Variants in MYRFL observed in about 807,000 individuals in gnomAD.
MYRFL encodes the protein myelin regulatory factor like.
In MYRFL, 88 loss-of-function variants were observed where a neutral mutation model predicts 109.4. The observed-to-expected ratio is 0.80, with a 90% CI of 0.68 to 0.96. The LOEUF (loss-of-function observed/expected upper bound fraction) is 0.96. Among genes scored for constraint, MYRFL ranks in the 40% least tolerant of loss-of-function variants. The pLI, the probability that MYRFL is intolerant of heterozygous loss-of-function variation, is 0.00. For synonymous variants in MYRFL, 324 were observed against 320.9 expected, an observed-to-expected ratio of 1.01 and a Z score of -0.10; for missense variants, 957 against 954.9, an observed-to-expected ratio of 1.00 and a Z score of -0.03.
chr12:69,918,230 C>T (rs989630376), intron 13 of MYRFL, among the ~76,000 whole-genome samples: 3 of 152,236 alleles, frequency 2.0e-5, no homozygotes, highest in South Asian at 4.2e-4. Flanking sequence ...CATGTGCCCT[C>T]GCATCACTGC....
intron 1 of MYRFL, among the ~76,000 whole-genome samples, chr12:69,831,423 A>G (rs138436303): frequency 1.4e-3 from 220 of 152,290 alleles, no homozygotes; most frequent in African/African-American, 4.5e-3. Flanking sequence ...AATAATCATA[A>G]TAACTGTTGT....
intron 19 of MYRFL, among the ~76,000 whole-genome samples, chr12:69,949,303 G>A (rs547549207): frequency 2.0e-5 from 3 of 150,668 alleles, no homozygotes; most frequent in Non-Finnish European, 2.9e-5. Flanking sequence ...TGTACTTAGC[G>A]ACCCACTAAA....
chr12:69,882,275 A>G (rs1307008929), intron 5 of MYRFL, among the ~76,000 whole-genome samples: 3 of 152,160 alleles, frequency 2.0e-5, no homozygotes, highest in Non-Finnish European at 2.9e-5. Context: ...TCCAGAATGA[A>G]AATGAGCAGG....
chr12:69,935,787 A>AACTT (rs1955433010), intron 16 of MYRFL, among the ~76,000 whole-genome samples: 1 of 152,228 alleles, frequency 6.6e-6, no homozygotes, highest in Admixed American at 6.5e-5. Context: ...TGCCTCCAGC[A>AACTT]ACTTACATGC....
rs977765745 is a variant in MYRFL, at chr12:69,836,216, C to T, written c.46+10653C>T. Among the ~76,000 whole-genome samples the T allele has an allele frequency of 3.3e-5, 5 of 152,312 alleles. No homozygotes were observed. The East Asian group carries it at 7.7e-4, about 24-fold the overall frequency. On this transcript the variant is annotated intron_variant, in intron 1 of 24. Coordinates refer to ENST00000552032, the MANE Select transcript of MYRFL (RefSeq NM_182530.3). ...GCCGGTGTGGGTCCATTCCTCTTGA[C>T]GTCCAGCCGCCTGTGTGTTCCTTCA...
chr12:69,910,378 T>C (rs1348137540), intron 12 of MYRFL, among the ~76,000 whole-genome samples: 1 of 151,980 alleles, frequency 6.6e-6, no homozygotes, highest in Non-Finnish European at 1.5e-5. Flanking sequence ...GCTCAACCTA[T>C]GTGAGGAACG....
rs941333363 is a variant in MYRFL, at chr12:69,938,900, G to A, written c.2224+2268G>A. Among the ~76,000 whole-genome samples, 3 of 152,286 alleles carry A rather than the reference G, an allele frequency of 2.0e-5. No individual in the cohort carries two copies. The East Asian group carries it at 5.8e-4, about 30-fold the overall frequency. On this transcript the variant is annotated intron_variant, in intron 19 of 24. Transcript: ENST00000552032. ...ACCCGGGAAGCGCAGGGTTCAGGGAGTTCCCTTTCCTAATCAAAGAAAGGG... is the reference window on the plus strand; with the variant it reads ...ACCCGGGAAGCGCAGGGTTCAGGGAATTCCCTTTCCTAATCAAAGAAAGGG...
chr12:69,918,563 C>G (rs1954817456), intron 13 of MYRFL, among the ~76,000 whole-genome samples: 1 of 152,168 alleles, frequency 6.6e-6, no homozygotes, highest in Non-Finnish European at 1.5e-5. Flanking sequence ...TATTGTTGCT[C>G]AGTTCTCATT....
At chr12:69,955,783 G>A (rs1956079607) in intron 22 of MYRFL, among the ~76,000 whole-genome samples, 1 of 151,696 alleles carries the variant, frequency 6.6e-6, no homozygotes, top group Non-Finnish European at 1.5e-5. Context: ...CCCCCCGATG[G>A]GAAGATGCAC....
chr12:69,913,698 AC>A (rs1954647896), intron 13 of MYRFL, among the ~76,000 whole-genome samples: 1 of 151,950 alleles, frequency 6.6e-6, no homozygotes, highest in Non-Finnish European at 1.5e-5. Context: ...GATTACTCTA[AC>A]TCTGTAGTAA....
intron 16 of MYRFL, among the ~76,000 whole-genome samples, chr12:69,935,318 C>T (rs1275892084): frequency 4.6e-5 from 7 of 151,910 alleles, no homozygotes; most frequent in Admixed American, 6.5e-5. Flanking sequence ...GTAACTCTTT[C>T]AAGCCTAGCA....
chr12:69,903,752 C>G lies in MYRFL; in HGVS notation c.1291C>G (p.Pro431Ala). Residue 431 changes from proline (P) to alanine (A), a missense_variant, in exon 11 of 25, where the codon CCG becomes GCG. Pro to Ala is a conservative substitution (Grantham distance 27). Coordinates refer to ENST00000552032, the MANE Select transcript of MYRFL (RefSeq NM_182530.3). ...HGRVGINTDAPDEALVVCGNM... is the reference protein window; with the variant it reads ...HGRVGINTDAADEALVVCGNM... ...TCGAGTAGGAATCAACACAGATGCGCCGGACGAAGCCCTGGTTGTCTGTGG... is the reference window on the plus strand; with the variant it reads ...TCGAGTAGGAATCAACACAGATGCGGCGGACGAAGCCCTGGTTGTCTGTGG... 1 of 1,535,756 alleles carries G rather than the reference C, an allele frequency of 6.5e-7. No homozygotes were observed. Among genetic ancestry groups the G allele is most frequent in the Non-Finnish European group, 8.7e-7 (1 of 1,146,654 alleles).
rs980355257 is a variant in MYRFL at position 69,825,526 on chromosome 12, G to A, written c.9G>A (p.Val3=). 2.3e-5 allele frequency: 16 copies of A among 701,818 alleles called. No individual in the cohort carries two copies. The highest frequency in any genetic ancestry group is 1.2e-4 in the African/African-American group (7 of 57,184). The allele number at this position is 701,818 out of a possible 1,614,324, so 43.5% of individuals were successfully genotyped here. A position where few individuals can be genotyped will look rare whatever the true frequency, so the allele number is the denominator to read the frequency against. The stretch of plus-strand genomic sequence containing the variant: ...ACTAGGATCACAGTACCATGGATGT[G>A]GTAGGCGAAAATGAGGCCCTGCAGC... MD[V]VGENEALQQF... is the part of the protein sequence containing the mutation. The change falls in exon 1 of 25, where the codon GTG becomes GTA. Residue 3 remains valine, a synonymous_variant. Coordinates refer to ENST00000552032, the MANE Select transcript of MYRFL (RefSeq NM_182530.3).
In MYRFL at chr12:69,863,519, T is replaced by G. The variant is rs535823020; in HGVS notation, c.137+8149T>G. 3.3e-5 allele frequency among the ~76,000 whole-genome samples: 5 copies of G among 152,334 alleles called. No homozygotes were observed. In the South Asian group the frequency reaches 1.0e-3, roughly 32 times the overall value. ...TAACCTCTTGCAGTCAATTTAAAGA[T>G]ATTTTACCACTTCACATGAAAAGTA... is the stretch of plus-strand genomic sequence containing the variant. On this transcript the variant is annotated intron_variant, in intron 2 of 24. Transcript: ENST00000552032.
chr12:69,915,214 G>T (rs1337746614), intron 13 of MYRFL, among the ~76,000 whole-genome samples: 2 of 152,076 alleles, frequency 1.3e-5, no homozygotes, highest in African/African-American at 4.8e-5. Context: ...ATTCATGTGG[G>T]CAGTGTGGCT....
intron 1 of MYRFL, among the ~76,000 whole-genome samples, chr12:69,833,711 C>T (rs895352302): frequency 6.6e-6 from 1 of 152,084 alleles, no homozygotes; most frequent in Non-Finnish European, 1.5e-5. Context: ...GTCTGTCTGG[C>T]TCTGAAGGCT....
chr12:69,936,657 A>G (rs1444556733), intron 19 of MYRFL, 25 bp downstream of exon 19: 2 of 1,471,698 alleles, frequency 1.4e-6, no homozygotes, highest in Non-Finnish European at 1.8e-6. Context: ...AAGAGAAACA[A>G]CTAGAGCTTT....
chr12:69,835,490 T>C (rs1882878598), intron 1 of MYRFL, among the ~76,000 whole-genome samples: 1 of 152,236 alleles, frequency 6.6e-6, no homozygotes, highest in Admixed American at 6.5e-5. Context: ...AACAGTTTCT[T>C]AATTTGCATA....
intron 13 of MYRFL, among the ~76,000 whole-genome samples, chr12:69,911,990 C>A (rs1367217216): frequency 6.6e-6 from 1 of 152,222 alleles, no homozygotes; most frequent in Admixed American, 6.5e-5. Context: ...ATCTTACCAA[C>A]CTTGCTGGTC....
Sources: gnomAD v4.1 joint callset for allele counts (sites outside exome capture counted in the v4.1 genomes callset) on GRCh38, gnomAD v4.1.1 for gene constraint, MANE v1.5 for transcripts, NCBI Gene and HGNC (gene_info 2026-07-23, HGNC 2026-07-21) for gene names.